AK1: variants seen among roughly 807,000 people sequenced by gnomAD.
AK1 encodes the protein adenylate kinase isoenzyme 1.
A neutral mutation model predicts 23.9 loss-of-function variants in AK1; 13 were observed. The ratio of observed to expected loss-of-function variants is 0.54; its 90% CI spans 0.35 to 0.86. The LOEUF (loss-of-function observed/expected upper bound fraction) is 0.86. Among genes scored for constraint, AK1 ranks in the 40% least tolerant of loss-of-function variants. The pLI, the probability that AK1 is intolerant of heterozygous loss-of-function variation, is 0.01. For synonymous variants in AK1, 97 were observed against 102.8 expected, an observed-to-expected ratio of 0.94 and a Z score of 0.34; for missense variants, 214 against 255.1, an observed-to-expected ratio of 0.84 and a Z score of 1.10.
At chr9:127,878,470 G>C (rs1829586697), upstream of AK1, 1 of 152,276 alleles carries the variant, frequency 6.6e-6, no homozygotes, top group Non-Finnish European at 1.5e-5. Flanking sequence ...AATACCTTGC[G>C]GGAGGTTCCC....
At chr9:127,870,338 G>A (rs1170036751) in intron 5 of AK1, among the ~76,000 whole-genome samples, 6 of 152,064 alleles carry the variant, frequency 3.9e-5, no homozygotes, top group Non-Finnish European at 7.4e-5. Flanking sequence ...GAGTAGCTGG[G>A]ATTACAGGCG....
chr9:127,874,261 T>C (rs1398422917), intron 2 of AK1: 1 of 985,384 alleles, frequency 1.0e-6, no homozygotes, highest in Non-Finnish European at 1.2e-6. Flanking sequence ...ATAGGGAAAC[T>C]GAGTCCCGGA....
At chr9:127,875,396 A>C (rs1409722170) in intron 1 of AK1, among the ~76,000 whole-genome samples, 2 of 102,408 alleles carry the variant, frequency 2.0e-5, no homozygotes, top group African/African-American at 4.0e-5. Context: ...GACCTCCCCT[A>C]CCTCGCCCCC....
In AK1 at chr9:127,868,063, C is replaced by G; in HGVS notation, c.530G>C (p.Gly177Ala). The change falls in exon 7 of 7, where the codon GGC (glycine) becomes GCC (alanine). Residue 177 changes from glycine to alanine, a missense_variant. Physicochemically the swap from Gly to Ala is moderately conservative, Grantham distance 60. Transcript: ENST00000644144. This position sits in a 1 kb window ranked among gnomAD's most constrained non-coding sequence, Gnocchi z 4.1. ...RGIVRKVNAE[G>A]SVDSVFSQVC... is the part of the protein sequence containing the mutation. Reference sequence around the variant, plus strand: ...CTGGGAGAAGACACTGTCCACGGAGCCCTCAGCGTTGACCTGTGGGGAGAT... The same window carrying G: ...CTGGGAGAAGACACTGTCCACGGAGGCCTCAGCGTTGACCTGTGGGGAGAT... 6.2e-7 allele frequency: 1 copy of G among 1,614,090 alleles called. No individual in the cohort carries two copies.
intron 5 of AK1, among the ~76,000 whole-genome samples, chr9:127,870,780 G>A (rs1243215363): frequency 2.3e-5 from 3 of 129,416 alleles, no homozygotes; most frequent in South Asian, 2.6e-4. Flanking sequence ...TGGAAGCTAC[G>A]GAAGCCCAGA....
Position 127,868,913 on chromosome 9 carries a change from C to A in AK1, c.325-401G>T, listed in dbSNP as rs2070692. On this transcript the variant is annotated intron_variant, in intron 5 of 6. Transcript: ENST00000644144. This position sits in a 1 kb window ranked among gnomAD's most constrained non-coding sequence, Gnocchi z 4.1. ...CAGTGCGAAGCTCACTTCCTCAGGG[C>A]AGTCTCTCTGATGCCACCCCCCGCC... is the stretch of plus-strand genomic sequence containing the variant. 2.0e-5 allele frequency among the ~76,000 whole-genome samples: 3 copies of A among 151,730 alleles called. No homozygotes were observed. The highest frequency in any genetic ancestry group is 4.4e-5 in the Non-Finnish European group (3 of 67,890).
chr9:127,879,075 AC>A (rs1829595110), upstream of AK1, among the ~76,000 whole-genome samples: 1 of 150,404 alleles, frequency 6.6e-6, no homozygotes, highest in Admixed American at 6.6e-5. Flanking sequence ...AAACACACAC[AC>A]ACACACACAC....
At chr9:127,873,666 G>A in intron 2 of AK1, 1 of 1,371,550 alleles carries the variant, frequency 7.3e-7, no homozygotes, top group East Asian at 2.7e-5. Context: ...CCCGCCTGCT[G>A]TTAGATCCCA....
rs574966146 is a variant in AK1, at chr9:127,868,255, G to A, written c.516+66C>T. On this transcript the variant is annotated intron_variant, in intron 6 of 6. Coordinates refer to ENST00000644144, the MANE Select transcript of AK1 (RefSeq NM_000476.3). This position sits in a 1 kb window ranked among gnomAD's most constrained non-coding sequence, Gnocchi z 4.1. ...AGGGGCTGGCCTGAGGCCACACAGT[G>A]AGCTGAGGCGGAGCCACATAGGAAC... The A allele has an allele frequency of 2.0e-6, 3 of 1,512,756 alleles. No individual in the cohort carries two copies. The highest frequency in any genetic ancestry group is 2.4e-5 in the East Asian group (1 of 40,878). The allele number at this position is 1,512,756 out of a possible 1,614,324, so 93.7% of individuals were successfully genotyped here.
chr9:127,874,822 T>C, intron 1 of AK1, 173 bp from the exon 2 acceptor site: 1 of 643,124 alleles, frequency 1.6e-6, no homozygotes, highest in South Asian at 1.8e-5. Context: ...GAAAGCCACC[T>C]TGGGAAAGTG....
In AK1 at chr9:127,873,791, C is replaced by G. The variant is rs550929387; in HGVS notation, c.8-730G>C. 4.1e-6 allele frequency: 4 copies of G among 985,462 alleles called. No homozygotes were observed. The South Asian group carries it at 1.9e-4, about 46-fold the overall frequency. 61.0% of individuals were successfully genotyped at this position (985,462 alleles called of 1,614,324 possible). A position where few individuals can be genotyped will look rare whatever the true frequency, so the allele number is the denominator to read the frequency against. ...AAGCTCCCCACTGGGCTTTCAGGCT[C>G]CCCCGCTTCCCAGGGAAATAGAGGA... On this transcript the variant is annotated intron_variant, in intron 2 of 6. Transcript: ENST00000644144.
At position 127,871,747 on chromosome 9, in the gene AK1, C is replaced by A; in HGVS notation, c.324+76G>T. The A allele has an allele frequency of 2.4e-6, 3 of 1,264,052 alleles. No homozygotes were observed. Among genetic ancestry groups the A allele is most frequent in the South Asian group, 1.2e-5 (1 of 84,116 alleles). The allele number at this position is 1,264,052 out of a possible 1,614,324, so 78.3% of individuals were successfully genotyped here. On this transcript the variant is annotated intron_variant, in intron 5 of 6. Coordinates refer to ENST00000644144, the MANE Select transcript of AK1 (RefSeq NM_000476.3). The surrounding 1 kb of genome is among the most constrained non-coding windows in gnomAD (Gnocchi z 4.4). ...GAACTCTGACCTGCATCACAGCCCC[C>A]GCAGGCCCGCCCATGGGGATGGGAG...
chr9:127,878,625 A>G (rs1456903160), upstream of AK1: 1 of 152,198 alleles, frequency 6.6e-6, no homozygotes, highest in Non-Finnish European at 1.5e-5. Context: ...TTTGTATTAT[A>G]GGCCCTAGGG....
At position 127,867,963 on chromosome 9, in the gene AK1, C is replaced by T. The variant is rs377177401; in HGVS notation, c.*45G>A. 83 of 1,593,566 alleles carry T rather than the reference C, an allele frequency of 5.2e-5. No homozygotes were observed. Among genetic ancestry groups the T allele is most frequent in the Admixed American group, 1.7e-4 (10 of 59,902 alleles). On this transcript the variant is annotated 3_prime_UTR_variant, in exon 7 of 7. Coordinates refer to ENST00000644144, the MANE Select transcript of AK1 (RefSeq NM_000476.3). Reference sequence around the variant, plus strand: ...AGGCCAGGAGGACCTCGAATCAGGACGGGGTGGGGCGGGGCTCTGAGCTGG... The same window carrying T: ...AGGCCAGGAGGACCTCGAATCAGGATGGGGTGGGGCGGGGCTCTGAGCTGG...
intron 5 of AK1, among the ~76,000 whole-genome samples, chr9:127,869,239 G>A (rs1218410462): frequency 6.6e-6 from 1 of 152,192 alleles, no homozygotes; most frequent in Non-Finnish European, 1.5e-5. Context: ...CAGCTGCCTG[G>A]TTGGGAGGGC....
In AK1 at chr9:127,867,951, C is replaced by T. The variant is rs1411025263; in HGVS notation, c.*57G>A. On this transcript the variant is annotated 3_prime_UTR_variant, in exon 7 of 7. Transcript: ENST00000644144. ...GGCGCTGCGCTCAGGCCAGGAGGAC[C>T]TCGAATCAGGACGGGGTGGGGCGGG... 1.3e-6 allele frequency: 2 copies of T among 1,572,614 alleles called. No individual in the cohort carries two copies. Among genetic ancestry groups the T allele is most frequent in the South Asian group, 1.1e-5 (1 of 90,230 alleles).
At chr9:127,872,016 C>T in intron 4 of AK1, 77 bp from the exon 5 acceptor site, 2 of 1,260,452 alleles carry the variant, frequency 1.6e-6, no homozygotes, top group South Asian at 1.2e-5. Context: ...TCACGCTGCT[C>T]CTGCCACCTG....
chr9:127,877,509 ACACAGCCG>A lies in AK1; in HGVS notation c.-33+106_-33+113del, dbSNP rs1328656813. 1 of 152,620 alleles carries A rather than the reference ACACAGCCG, an allele frequency of 6.6e-6. No homozygotes were observed. The highest frequency in any genetic ancestry group is 1.5e-5 in the Non-Finnish European group (1 of 68,354). The allele number at this position is 152,620 out of a possible 1,614,324, so 9.5% of individuals were successfully genotyped here. On this transcript the variant is annotated intron_variant, in intron 1 of 6. Coordinates refer to ENST00000644144, the MANE Select transcript of AK1 (RefSeq NM_000476.3). The surrounding 1 kb of genome is among the most constrained non-coding windows in gnomAD (Gnocchi z 5.2). ...ACACACACGGATCACAACCACGGAT[ACACAGCCG>A]CACAGCCCCCAGGGAGCCCCGCACC...
chr9:127,871,678 TG>T lies in AK1; in HGVS notation c.324+144del. On this transcript the variant is annotated intron_variant, in intron 5 of 6. Transcript: ENST00000644144. This position sits in a 1 kb window ranked among gnomAD's most constrained non-coding sequence, Gnocchi z 4.4. ...CTTCTACACTTCCAGAAAGTCTTCC[TG>T]GTTTTCCTCCTCACCCACACTCCAT... 1 of 745,576 alleles carries T rather than the reference TG, an allele frequency of 1.3e-6. No homozygotes were observed. The highest frequency in any genetic ancestry group is 1.8e-5 in the African/African-American group (1 of 56,924). The allele number at this position is 745,576 out of a possible 1,614,324, so 46.2% of individuals were successfully genotyped here.
Sources: gnomAD v4.1 joint callset for allele counts (sites outside exome capture counted in the v4.1 genomes callset) on GRCh38, gnomAD v4.1.1 for gene constraint, Gnocchi (gnomAD v3.1) non-coding constraint, MANE v1.5 for transcripts, NCBI Gene and HGNC (gene_info 2026-07-23, HGNC 2026-07-21) for gene names.